Variants in PLEKHA8 observed in about 807,000 individuals in gnomAD.
PLEKHA8 encodes the protein pleckstrin homology domain containing A8.
PLEKHA8 carries 36 observed loss-of-function variants against 68.2 expected under a neutral mutation model. The observed-to-expected ratio is 0.53, with a 90% confidence interval of 0.40 to 0.70. The LOEUF is 0.70. Among genes scored for constraint, PLEKHA8 ranks in the 30% least tolerant of loss-of-function variants. PLEKHA8 has a pLI of 0.00. For synonymous variants in PLEKHA8, 211 were observed against 216.1 expected (o/e 0.98, Z 0.20); for missense variants, 505 against 615.4 (o/e 0.82, Z 1.90).
chr7:30,129,150 A>T, intron 13 of PLEKHA8: 1 of 1,450,712 alleles, frequency 6.9e-7, no homozygotes. Context: ...CCTTGCTGAA[A>T]AACTACTGAT....
At chr7:30,068,510 A>G in intron 12 of PLEKHA8, among the ~76,000 whole-genome samples, 1 of 152,256 alleles carries the variant, frequency 6.6e-6, no homozygotes, top group East Asian at 1.9e-4. Context: ...GCAGTTTGAT[A>G]TCCTTCTCTG....
intron 12 of PLEKHA8, chr7:30,090,121 T>G: frequency 6.5e-7 from 1 of 1,534,652 alleles, no homozygotes; most frequent in South Asian, 1.2e-5. Flanking sequence ...AAGGAAGGAA[T>G]CTTTAGATTA....
At chr7:30,029,593 A>G (rs1247989331) in intron 1 of PLEKHA8, among the ~76,000 whole-genome samples, 2 of 152,216 alleles carry the variant, frequency 1.3e-5, no homozygotes, top group Admixed American at 1.3e-4. Context: ...ACTAGTATTT[A>G]ATACAAGCCT....
At chr7:30,031,738 C>G (rs1335574547) in intron 1 of PLEKHA8, among the ~76,000 whole-genome samples, 1 of 152,194 alleles carries the variant, frequency 6.6e-6, no homozygotes. Context: ...ATCTTTATAT[C>G]TCTCCTGCTG....
chr7:30,126,165 T>A (rs1221511949), intron 13 of PLEKHA8, among the ~76,000 whole-genome samples: 1 of 118,212 alleles, frequency 8.5e-6, no homozygotes, highest in African/African-American at 3.3e-5. Context: ...CCAAGGACAG[T>A]TTCAGGCTTG....
intron 1 of PLEKHA8, among the ~76,000 whole-genome samples, chr7:30,042,746 C>G (rs1791637237): frequency 6.6e-6 from 1 of 152,198 alleles, no homozygotes; most frequent in Non-Finnish European, 1.5e-5. Flanking sequence ...ATTTCAAAGA[C>G]CTCTTCCTTT....
intron 13 of PLEKHA8, among the ~76,000 whole-genome samples, chr7:30,119,053 A>G (rs556524996): frequency 6.6e-6 from 1 of 152,330 alleles, no homozygotes; most frequent in East Asian, 1.9e-4. Context: ...TGGTACAGAC[A>G]TGACTGCTGT....
intron 13 of PLEKHA8, among the ~76,000 whole-genome samples, chr7:30,125,742 A>C (rs950919946): frequency 2.0e-5 from 3 of 152,206 alleles, no homozygotes; most frequent in African/African-American, 7.2e-5. Context: ...AAAAAATAAA[A>C]TGCCTAGGCC....
downstream of PLEKHA8, among the ~76,000 whole-genome samples, chr7:30,093,301 CACTT>C (rs1256621960): frequency 2.0e-5 from 3 of 152,248 alleles, no homozygotes; most frequent in Non-Finnish European, 2.9e-5. Context: ...TATAGGTTCT[CACTT>C]AACCCTGAGA....
Position 30,099,118 on chromosome 7 carries a change from A to G in PLEKHA8, c.1362+24986A>G, listed in dbSNP as rs117264819. ...TTTATAAAGTACTTAAATATCTCAA[A>G]TTTCAGAAAACAAGATATTTAATCA... On this transcript the variant is annotated intron_variant, in intron 13 of 13. Transcript: ENST00000396257. Among the ~76,000 whole-genome samples the G allele has an allele frequency of 7.1e-3, 1,078 of 152,304 alleles. 5 individuals carry two copies. Among genetic ancestry groups the G allele is most frequent in the Middle Eastern group, 0.034 (10 of 294 alleles).
At chr7:30,107,897 C>T (rs558401514) in intron 13 of PLEKHA8, among the ~76,000 whole-genome samples, 54 of 152,042 alleles carry the variant, frequency 3.6e-4, no homozygotes, top group African/African-American at 1.3e-3. Flanking sequence ...GGAGAAATCC[C>T]ATCTCTCCTA....
intron 1 of PLEKHA8, among the ~76,000 whole-genome samples, chr7:30,032,650 C>T (rs898797479): frequency 6.6e-6 from 1 of 152,124 alleles, no homozygotes; most frequent in Admixed American, 6.5e-5. Flanking sequence ...TCATAATGTA[C>T]CTATATTTAA....
intron 13 of PLEKHA8, among the ~76,000 whole-genome samples, chr7:30,105,311 TAAAAAAA>T (rs59891172): frequency 6.7e-4 from 36 of 53,740 alleles, no homozygotes; most frequent in African/African-American, 1.9e-3. Flanking sequence ...TCTCTATAAT[TAAAAAAA>T]AAAAAAAAAA....
chr7:30,049,174 T>C, intron 4 of PLEKHA8, 50 bp from the exon 5 acceptor site: 1 of 1,610,626 alleles, frequency 6.2e-7, no homozygotes, highest in Non-Finnish European at 8.5e-7. Flanking sequence ...CAATTGGGCT[T>C]TTTCTTTTTT....
chr7:30,077,231 C>G (rs1242523611), intron 13 of PLEKHA8, among the ~76,000 whole-genome samples: 1 of 152,118 alleles, frequency 6.6e-6, no homozygotes, highest in Non-Finnish European at 1.5e-5. Flanking sequence ...TTGTCCCTTT[C>G]GAAATGTTTT....
chr7:30,046,012 C>T (rs913792356), intron 2 of PLEKHA8, among the ~76,000 whole-genome samples, 198 bp from the exon 3 acceptor site: 1 of 152,162 alleles, frequency 6.6e-6, no homozygotes, highest in African/African-American at 2.4e-5. Context: ...CAAGGTTTTC[C>T]CTCTTGATTA....
chr7:30,108,790 G>C (rs75725740), intron 13 of PLEKHA8, among the ~76,000 whole-genome samples: 5,280 of 152,262 alleles, frequency 0.035, 259 homozygotes, highest in African/African-American at 0.1. Flanking sequence ...CACAGAACCA[G>C]TAGCTCCCTT....
intron 13 of PLEKHA8, among the ~76,000 whole-genome samples, chr7:30,120,380 A>G (rs1272182356): frequency 1.3e-5 from 2 of 152,184 alleles, no homozygotes; most frequent in Non-Finnish European, 2.9e-5. Context: ...AAACAGCTGG[A>G]TTGGTTACAG....
chr7:30,115,595 TGTA>T (rs1176783470), intron 13 of PLEKHA8, among the ~76,000 whole-genome samples: 1 of 145,598 alleles, frequency 6.9e-6, no homozygotes, highest in African/African-American at 2.5e-5. Flanking sequence ...CATGTAGACA[TGTA>T]TACATACATT....
Sources: gnomAD v4.1 joint callset for allele counts (sites outside exome capture counted in the v4.1 genomes callset) on GRCh38, gnomAD v4.1.1 for gene constraint, MANE v1.5 for transcripts, NCBI Gene and HGNC (gene_info 2026-07-23, HGNC 2026-07-21) for gene names.